The following SLC35B4 variants were observed in gnomAD, a reference collection of about 807,000 sequenced individuals.
SLC35B4 encodes nucleotide sugar transporter SLC35B4.
Under a neutral mutation model 39.5 loss-of-function variants are expected in SLC35B4, and 28 were observed. The observed-to-expected ratio is 0.71, with a 90% CI of 0.53 to 0.97. The LOEUF is 0.97. SLC35B4 is among the 50% of genes least tolerant of loss of function. The pLI, the probability that SLC35B4 is intolerant of heterozygous loss-of-function variation, is 0.00. For missense variants in SLC35B4, 334 were observed against 414.3 expected (o/e 0.81, Z 1.68); for synonymous variants, 145 against 150.4 (o/e 0.96, Z 0.26).
chr7:134,316,968 C>T, upstream of SLC35B4: 1 of 564,430 alleles, frequency 1.8e-6, no homozygotes, highest in Non-Finnish European at 3.1e-6. Context: ...CCCATTCATC[C>T]GAGGGGGCGT....
chr7:134,295,234 C>T (rs1232849226), intron 9 of SLC35B4, 155 bp from the exon 10 acceptor site: 16 of 867,488 alleles, frequency 1.8e-5, no homozygotes, highest in Non-Finnish European at 2.6e-5. Context: ...GGAGAACCTG[C>T]AGAACAACTC....
chr7:134,299,281 A>G, intron 8 of SLC35B4: 1 of 425,562 alleles, frequency 2.3e-6, no homozygotes, highest in Admixed American at 4.0e-5. Context: ...AAATGCAAAC[A>G]CACAAATTCC....
chr7:134,316,603 C>T (rs1010547549), intron 1 of SLC35B4, 72 bp downstream of exon 1: 13 of 1,493,944 alleles, frequency 8.7e-6, no homozygotes, highest in Non-Finnish European at 1.1e-5. Context: ...GGGCGCGTCC[C>T]GGGGGGACCT....
chr7:134,296,426 G>A lies in SLC35B4; in HGVS notation c.714C>T (p.Ile238=), dbSNP rs1278651748. ...TGTTCATGAGGAGGTAGAACCACAT[G>A]ATGGGCAGGGTCACTCCGATGACGG... is the stretch of plus-strand genomic sequence containing the variant. The part of the protein sequence containing the change: ...EIPVIGVTLP[I]MWFYLLMNII... The change falls in exon 9 of 10, where the codon ATC becomes ATT. Residue 238 remains isoleucine (I), a synonymous_variant. Transcript: ENST00000378509. 2 of 1,613,940 alleles carry A rather than the reference G, an allele frequency of 1.2e-6. No homozygotes were observed. The highest frequency in any genetic ancestry group is 2.2e-5 in the East Asian group (1 of 44,902).
intron 1 of SLC35B4, among the ~76,000 whole-genome samples, chr7:134,312,693 A>T (rs1402280392): frequency 6.6e-6 from 1 of 152,236 alleles, no homozygotes; most frequent in Non-Finnish European, 1.5e-5. Flanking sequence ...TAGGATTTTT[A>T]AAAAGGGCAT....
intron 6 of SLC35B4, among the ~76,000 whole-genome samples, chr7:134,301,033 C>T (rs888700164): frequency 1.3e-5 from 2 of 152,136 alleles, no homozygotes; most frequent in African/African-American, 4.8e-5. Flanking sequence ...GCAAATTTTT[C>T]TTCTGGAGTA....
chr7:134,299,350 C>T, intron 8 of SLC35B4, 173 bp downstream of exon 8: 1 of 510,462 alleles, frequency 2.0e-6, no homozygotes, highest in Non-Finnish European at 3.5e-6. Context: ...AATTGAGAAA[C>T]CCCTGTAAAA....
rs1182873339 is a variant in SLC35B4, at chr7:134,310,528, C to T, written c.78-1049G>A. ...TATAATACCAATATTCACCTGCCTTCGTATTCTGTGTTTTCATCTTTTTTT... is the reference window on the plus strand; with the variant it reads ...TATAATACCAATATTCACCTGCCTTTGTATTCTGTGTTTTCATCTTTTTTT... On this transcript the variant is annotated intron_variant, in intron 1 of 9. Coordinates refer to ENST00000378509, the MANE Select transcript of SLC35B4 (RefSeq NM_032826.5). Among the ~76,000 whole-genome samples, 4 of 151,706 alleles carry T rather than the reference C, an allele frequency of 2.6e-5. No homozygotes were observed. The East Asian group carries it at 5.8e-4, about 22-fold the overall frequency.
At chr7:134,314,559 G>T (rs530408171) in intron 1 of SLC35B4, among the ~76,000 whole-genome samples, 1 of 151,812 alleles carries the variant, frequency 6.6e-6, no homozygotes, top group Non-Finnish European at 1.5e-5. Flanking sequence ...TTTTTGAGAC[G>T]TAGTCTTGCA....
chr7:134,301,006 A>G (rs930005474), intron 6 of SLC35B4, among the ~76,000 whole-genome samples: 1 of 152,122 alleles, frequency 6.6e-6, no homozygotes, highest in African/African-American at 2.4e-5. Flanking sequence ...CCCATGAACT[A>G]TATGTTCATA....
chr7:134,309,352 C>T lies in SLC35B4; in HGVS notation c.191+14G>A. 6.4e-7 allele frequency: 1 copy of T among 1,565,744 alleles called. No individual in the cohort carries two copies. The highest frequency in any genetic ancestry group is 8.7e-7 in the Non-Finnish European group (1 of 1,147,814). On this transcript the variant is annotated intron_variant, in intron 2 of 9. Transcript: ENST00000378509. ...AAAAATCCAAAAGCTAAAAGAGACT[C>T]TAATGTACCATACCTTATTGGGATA...
chr7:134,316,614 C>T, intron 1 of SLC35B4, 61 bp downstream of exon 1: 1 of 1,525,020 alleles, frequency 6.6e-7, no homozygotes, highest in Non-Finnish European at 8.9e-7. Context: ...GGGGGGACCT[C>T]TCCTCTGGCT....
rs1803394098 is a variant in SLC35B4 at position 134,293,824 on chromosome 7, ACT to A, written c.*1007_*1008del. The A allele has an allele frequency of 6.9e-6, 1 of 143,902 alleles. No individual in the cohort carries two copies. Among genetic ancestry groups the A allele is most frequent in the African/African-American group, 2.6e-5 (1 of 38,458 alleles). The allele number at this position is 143,902 out of a possible 1,614,324, so 8.9% of individuals were successfully genotyped here. A position where few individuals can be genotyped will look rare whatever the true frequency, so the allele number is the denominator to read the frequency against. On this transcript the variant is annotated 3_prime_UTR_variant, in exon 10 of 10. Coordinates refer to ENST00000378509, the MANE Select transcript of SLC35B4 (RefSeq NM_032826.5). ...TTTTTTTTTTTTGAGATAGAGTCTC[ACT>A]CTGTCACCCAGGCGGGAGTGCAGTA...
chr7:134,303,079 G>A (rs1334174495), intron 4 of SLC35B4, among the ~76,000 whole-genome samples: 2 of 152,188 alleles, frequency 1.3e-5, no homozygotes, highest in South Asian at 2.1e-4. Flanking sequence ...ATCCTGGAAT[G>A]AGGAGCACAC....
chr7:134,313,202 G>C (rs1034396676), intron 1 of SLC35B4, among the ~76,000 whole-genome samples: 1 of 152,036 alleles, frequency 6.6e-6, no homozygotes, highest in Non-Finnish European at 1.5e-5. Flanking sequence ...TTGTTTTCTT[G>C]AGCTCTCTTC....
intron 9 of SLC35B4, 52 bp downstream of exon 9, chr7:134,296,339 G>A: frequency 6.8e-7 from 1 of 1,469,676 alleles, no homozygotes. Flanking sequence ...CCATTCCTGT[G>A]CCAAAAGAAC....
Position 134,291,234 on chromosome 7 carries a change from AGATATGG to A in SLC35B4, c.*3592_*3598del. 6.6e-6 allele frequency: 1 copy of A among 152,206 alleles called. No individual in the cohort carries two copies. The highest frequency in any genetic ancestry group is 1.5e-5 in the Non-Finnish European group (1 of 68,036). 9.4% of individuals were successfully genotyped at this position (152,206 alleles called of 1,614,324 possible). A position where few individuals can be genotyped will look rare whatever the true frequency, so the allele number is the denominator to read the frequency against. On this transcript the variant is annotated 3_prime_UTR_variant, in exon 10 of 10. Transcript: ENST00000378509. Reference sequence around the variant, plus strand: ...ACCCTTCACATTCATCGTCATCTACAGATATGGCATTCACACATTCTGCCAGATATTC... The same window carrying A: ...ACCCTTCACATTCATCGTCATCTACACATTCACACATTCTGCCAGATATTC...
At chr7:134,309,343 A>G in intron 2 of SLC35B4, 23 bp downstream of exon 2, 2 of 1,504,330 alleles carry the variant, frequency 1.3e-6, no homozygotes, top group Non-Finnish European at 1.8e-6. Context: ...CCAAAAGCTA[A>G]AAGAGACTCT....
At chr7:134,296,308 A>G in intron 9 of SLC35B4, 83 bp downstream of exon 9, 6 of 1,202,510 alleles carry the variant, frequency 5.0e-6, no homozygotes, top group Non-Finnish European at 7.3e-6. Context: ...AAGTCAACAC[A>G]CTGTTAGAAG....
Sources: gnomAD v4.1 joint callset for allele counts (sites outside exome capture counted in the v4.1 genomes callset) on GRCh38, gnomAD v4.1.1 for gene constraint, MANE v1.5 for transcripts, NCBI Gene and HGNC (gene_info 2026-07-23, HGNC 2026-07-21) for gene names.